The following SUGCT variants were observed in gnomAD, a reference collection of about 807,000 sequenced individuals.
The protein encoded by SUGCT is succinyl-CoA:glutarate-CoA transferase, also known as succinyl-CoA:glutarate CoA-transferase.
A neutral mutation model predicts 55.0 loss-of-function variants in SUGCT; 41 were observed. That is an observed-to-expected ratio of 0.74 (90% confidence interval 0.58 to 0.97). The LOEUF (loss-of-function observed/expected upper bound fraction) is 0.97, where lower values mean the gene tolerates loss of function less well. Among genes scored for constraint, SUGCT ranks in the 50% least tolerant of loss-of-function variants. The pLI is 0.00. For missense variants in SUGCT, 568 were observed against 547.8 expected (o/e 1.04, Z -0.37); for synonymous variants, 187 against 200.4 (o/e 0.93, Z 0.56).
intron 1 of SUGCT, chr7:40,153,780 A>G (rs559708387): frequency 2.4e-6 from 1 of 415,754 alleles, no homozygotes; most frequent in Admixed American, 2.5e-5. Context: ...AAGAAGGCTA[A>G]CCATCCTTGC....
intron 9 of SUGCT, among the ~76,000 whole-genome samples, chr7:40,446,446 CT>C (rs1416884429): frequency 6.6e-6 from 1 of 152,132 alleles, no homozygotes; most frequent in African/African-American, 2.4e-5. Flanking sequence ...TCACCTACAG[CT>C]TTGTTGCAGA....
chr7:40,822,305 T>A (rs990164301), intron 13 of SUGCT, among the ~76,000 whole-genome samples: 1 of 152,186 alleles, frequency 6.6e-6, no homozygotes, highest in African/African-American at 2.4e-5. Flanking sequence ...CTGAGTTCAA[T>A]TCCTGGATAT....
rs758483577 is a variant in SUGCT, at chr7:40,188,586, A to G, written c.312+6A>G. 1 of 1,585,518 alleles carries G rather than the reference A, an allele frequency of 6.3e-7. No homozygotes were observed. The highest frequency in any genetic ancestry group is 2.3e-5 in the East Asian group (1 of 44,236). On this transcript the variant is annotated splice_donor_region_variant and intron_variant, in intron 4 of 13. Transcript: ENST00000335693. ...GTGTTAACCGAAATAAAAAAGTAAGAATATCATCCCTTTTTTGCTTTTTGT... is the reference window on the plus strand; with the variant it reads ...GTGTTAACCGAAATAAAAAAGTAAGGATATCATCCCTTTTTTGCTTTTTGT...
At chr7:40,994,252 C>A in the SUGCT span, among the ~76,000 whole-genome samples, 42,799 of 151,802 alleles carry the variant, frequency 0.28, 7,499 homozygotes, top group Admixed American at 0.45. Flanking sequence ...AAAGAGATCT[C>A]CCTAATCTAA....
the SUGCT span, among the ~76,000 whole-genome samples, chr7:41,036,220 G>A: frequency 6.6e-6 from 1 of 152,212 alleles, no homozygotes; most frequent in South Asian, 2.1e-4. Flanking sequence ...GACTGAATGA[G>A]TGAATGGACA....
At chr7:40,316,881 G>C in intron 9 of SUGCT, 26 bp downstream of exon 9, 1 of 1,299,502 alleles carries the variant, frequency 7.7e-7, no homozygotes, top group Non-Finnish European at 1.0e-6. Flanking sequence ...TCTAGGGTTG[G>C]GCTGTTGTAA....
chr7:40,748,593 GAA>G (rs2128711079), intron 12 of SUGCT, among the ~76,000 whole-genome samples: 2 of 151,500 alleles, frequency 1.3e-5, no homozygotes, highest in East Asian at 3.9e-4. Flanking sequence ...TAGTTATAGA[GAA>G]TAAGAATTTA....
chr7:40,384,242 T>G (rs192684102), intron 9 of SUGCT, among the ~76,000 whole-genome samples: 18 of 152,290 alleles, frequency 1.2e-4, no homozygotes, highest in South Asian at 1.0e-3. Flanking sequence ...AGGTTGAATG[T>G]GAAGCTGCTC....
the SUGCT span, among the ~76,000 whole-genome samples, chr7:40,958,710 A>G: frequency 1.3e-5 from 2 of 152,008 alleles, no homozygotes; most frequent in Non-Finnish European, 2.9e-5. Context: ...CCTTGCTGGC[A>G]AGGAGTTGTG....
At chr7:40,353,337 A>G (rs543399171) in intron 9 of SUGCT, among the ~76,000 whole-genome samples, 1 of 152,276 alleles carries the variant, frequency 6.6e-6, no homozygotes, top group East Asian at 1.9e-4. Context: ...GGAGCTTCAT[A>G]TTACTGTAGA....
the SUGCT span, among the ~76,000 whole-genome samples, chr7:40,902,939 G>C: frequency 0.035 from 5,263 of 152,226 alleles, 315 homozygotes; most frequent in African/African-American, 0.12. Flanking sequence ...TCCTGTTACA[G>C]AGGAGGGTCC....
chr7:40,416,469 C>T (rs1787006069), intron 9 of SUGCT, among the ~76,000 whole-genome samples: 1 of 151,552 alleles, frequency 6.6e-6, no homozygotes, highest in South Asian at 2.1e-4. Flanking sequence ...ACTTGGAATT[C>T]TTATTAGAAA....
chr7:40,377,156 T>TTC (rs1363113610), intron 9 of SUGCT, among the ~76,000 whole-genome samples: 1 of 15,618 alleles, frequency 6.4e-5, no homozygotes, highest in Non-Finnish European at 3.1e-4. Context: ...CTTTCTTTCT[T>TTC]TCTTTCTTTC....
chr7:40,426,449 A>AT (rs1338511966), intron 9 of SUGCT, among the ~76,000 whole-genome samples: 3 of 152,212 alleles, frequency 2.0e-5, no homozygotes, highest in Non-Finnish European at 4.4e-5. Context: ...AAGATGACTT[A>AT]TTCTCTATGT....
At chr7:40,486,760 C>T (rs1211873821) in intron 11 of SUGCT, among the ~76,000 whole-genome samples, 1 of 144,804 alleles carries the variant, frequency 6.9e-6, no homozygotes, top group East Asian at 2.0e-4. Context: ...AAGTCTTGCA[C>T]TGTTGTCCAG....
intron 7 of SUGCT, among the ~76,000 whole-genome samples, chr7:40,259,197 A>G (rs767889071): frequency 1.2e-4 from 18 of 152,192 alleles, no homozygotes; most frequent in Non-Finnish European, 2.2e-4. Flanking sequence ...GTCAAAGGAT[A>G]TAAAAATTTA....
chr7:40,744,341 G>C (rs765066555), intron 12 of SUGCT, among the ~76,000 whole-genome samples: 3 of 152,148 alleles, frequency 2.0e-5, no homozygotes, highest in Non-Finnish European at 2.9e-5. Context: ...TGTGGTGCCA[G>C]AGTATCCTTG....
rs115700320 is a variant in SUGCT at position 40,632,911 on chromosome 7, C to G, written c.1090-116523C>G. Among the ~76,000 whole-genome samples, 894 of 152,228 alleles carry G rather than the reference C, an allele frequency of 5.9e-3. 9 individuals are homozygous for G. Among genetic ancestry groups the G allele is most frequent in the African/African-American group, 0.02 (838 of 41,528 alleles). ...CATTTCATGAGTCTGGATACAGACT[C>G]TATTATAAAGAGGTTTTTCTTTAGC... is the stretch of plus-strand genomic sequence containing the variant. On this transcript the variant is annotated intron_variant, in intron 12 of 13. Coordinates refer to ENST00000335693, the MANE Select transcript of SUGCT (RefSeq NM_001193313.2).
chr7:40,801,151 T>C (rs921218864), intron 13 of SUGCT, among the ~76,000 whole-genome samples: 1 of 152,182 alleles, frequency 6.6e-6, no homozygotes, highest in Non-Finnish European at 1.5e-5. Context: ...AGTGGCTTGA[T>C]AGTGAAAGTG....
Sources: gnomAD v4.1 joint callset for allele counts (sites outside exome capture counted in the v4.1 genomes callset) on GRCh38, gnomAD v4.1.1 for gene constraint, MANE v1.5 for transcripts, NCBI Gene and HGNC (gene_info 2026-07-23, HGNC 2026-07-21) for gene names.